The following OBSL1 variants were observed in gnomAD, a reference collection of about 807,000 sequenced individuals.
The protein encoded by OBSL1 is obscurin-like protein 1.
A neutral mutation model predicts 172.0 loss-of-function variants in OBSL1; 160 were observed. The ratio of observed to expected loss-of-function variants is 0.93; its 90% CI spans 0.82 to 1.06. The LOEUF (loss-of-function observed/expected upper bound fraction) is 1.06, where lower values mean the gene tolerates loss of function less well. Among genes scored for constraint, OBSL1 ranks in the 50% least tolerant of loss-of-function variants. OBSL1 has a pLI of 0.00. For synonymous variants in OBSL1, 1,200 were observed against 1,196.3 expected (o/e 1.00, Z -0.06); for missense variants, 2,681 against 2,715.4 (o/e 0.99, Z 0.28).
At position 219,567,707 on chromosome 2, in the gene OBSL1, C is replaced by T; in HGVS notation, c.1534+11G>A. The T allele has an allele frequency of 6.2e-7, 1 of 1,603,830 alleles. No individual in the cohort carries two copies. Among genetic ancestry groups the T allele is most frequent in the Non-Finnish European group, 8.5e-7 (1 of 1,171,698 alleles). ...CCTGCCTCGCCTGTCCAGAGGCCTT[C>T]CTGCCCTCACATTTTACTCTGAGAA... On this transcript the variant is annotated intron_variant, in intron 3 of 20. Transcript: ENST00000404537.
chr2:219,548,097 C>A (rs1261884086), downstream of OBSL1: 2 of 1,515,246 alleles, frequency 1.3e-6, no homozygotes, highest in South Asian at 2.5e-5. Context: ...GGGGCACAGG[C>A]CAAGGTGGAC....
At chr2:219,556,348 C>A (rs1185489834) in intron 13 of OBSL1, 56 bp from the exon 14 acceptor site, 6 of 1,571,172 alleles carry the variant, frequency 3.8e-6, no homozygotes, top group Non-Finnish European at 5.2e-6. Flanking sequence ...TGGCCCCTTG[C>A]TCCATCCCAC....
intron 9 of OBSL1, 169 bp downstream of exon 9, chr2:219,559,056 G>A (rs949588677): frequency 1.3e-5 from 8 of 612,744 alleles, no homozygotes. Flanking sequence ...CCTCCCACCA[G>A]GCCTCTGGTC....
At chr2:219,562,102 T>C in intron 8 of OBSL1, 2 of 700,200 alleles carry the variant, frequency 2.9e-6, no homozygotes, top group South Asian at 3.0e-5. Flanking sequence ...TCACCTAGCC[T>C]GGCAGCTCAT....
At chr2:219,563,198 T>G in intron 7 of OBSL1, 157 bp downstream of exon 7, 2 of 721,620 alleles carry the variant, frequency 2.8e-6, no homozygotes, top group Non-Finnish European at 2.3e-6. Flanking sequence ...TGAATGTGAC[T>G]AGACCATAGC....
At chr2:219,555,500 G>A (rs1695936043) in intron 14 of OBSL1, 1 of 358,688 alleles carries the variant, frequency 2.8e-6, no homozygotes, top group Non-Finnish European at 3.9e-6. Flanking sequence ...GGATGGCCTC[G>A]AACTCCTGGC....
rs1403723271 is a variant in OBSL1 at position 219,557,932 on chromosome 2, G to A, written c.3681C>T (p.Arg1227=). ...CTGCAGCCTGGATGCAGAGGACTCG[G>A]CGGGGGCCCTCGGCATGGAGCTCTA... ...EGLELHAEGP[R]RVLCIQAAGP... Residue 1227 remains arginine, a synonymous_variant, in exon 11 of 21, where the codon CGC becomes CGT. Coordinates refer to ENST00000404537, the MANE Select transcript of OBSL1 (RefSeq NM_015311.3). 8.1e-6 allele frequency: 13 copies of A among 1,605,214 alleles called. No individual in the cohort carries two copies. The highest frequency in any genetic ancestry group is 1.1e-5 in the Non-Finnish European group (13 of 1,179,434).
Position 219,559,400 on chromosome 2 carries a change from A to G in OBSL1, c.3051T>C (p.Asp1017=). 1 of 1,613,900 alleles carries G rather than the reference A, an allele frequency of 6.2e-7. No homozygotes were observed. Among genetic ancestry groups the G allele is most frequent in the African/African-American group, 1.3e-5 (1 of 74,994 alleles). Residue 1017 remains aspartate (D), a synonymous_variant, in exon 9 of 21, where the codon GAT becomes GAC. Transcript: ENST00000404537. ...CATCCTTGTACCAGCGCACAGGGGC[A>G]TCCTCCCGAGACAGTTCACACATCA... is the stretch of plus-strand genomic sequence containing the variant. The part of the protein sequence containing the change: ...VVLMCELSRE[D]APVRWYKDGL...
In OBSL1 at chr2:219,568,521, G is replaced by C. The variant is rs750999536; in HGVS notation, c.1013-197C>G. Among the ~76,000 whole-genome samples the C allele has an allele frequency of 2.1e-4, 32 of 152,174 alleles. 1 individual carries two copies. The highest frequency in any genetic ancestry group is 2.1e-3 in the Admixed American group (32 of 15,278). On this transcript the variant is annotated intron_variant, in intron 1 of 20. Transcript: ENST00000404537. The surrounding 1 kb of genome is among the most constrained non-coding windows in gnomAD (Gnocchi z 4.1). ...GAGTTCTCATCCAGCCCTGACACTA[G>C]CCACATCACCTTAAGCAAGTCCATT...
In OBSL1 at chr2:219,570,947, CCGCGTAGGCCTCGCCGGCCGCGTTGCGGG is replaced by C; in HGVS notation, c.257_285del (p.Ala86GlyfsTer158). 1 of 1,276,112 alleles carries C rather than the reference CCGCGTAGGCCTCGCCGGCCGCGTTGCGGG, an allele frequency of 7.8e-7. No individual in the cohort carries two copies. The highest frequency in any genetic ancestry group is 9.8e-7 in the Non-Finnish European group (1 of 1,019,086). 79.0% of individuals were successfully genotyped at this position (1,276,112 alleles called of 1,614,324 possible). ...GGCTCCAGCACGGTGACGGCGGCCG[CCGCGTAGGCCTCGCCGGCCGCGTTGCGGG>C]CGCGGCACACGTAGACCCCCGCGTC... On this transcript the variant is annotated frameshift_variant, in exon 1 of 21. Coordinates refer to ENST00000404537, the MANE Select transcript of OBSL1 (RefSeq NM_015311.3). LOFTEE classifies it high-confidence loss of function.
intron 8 of OBSL1, chr2:219,561,870 T>G (rs1272779953): frequency 1.4e-6 from 1 of 717,200 alleles, no homozygotes; most frequent in Non-Finnish European, 2.6e-6. Flanking sequence ...GGCCCCAAAC[T>G]ATGGGGGCAG....
At position 219,571,469 on chromosome 2, in the gene OBSL1, G is replaced by A; in HGVS notation, c.-237C>T. The A allele has an allele frequency of 3.4e-6, 1 of 296,726 alleles. No individual in the cohort carries two copies. The highest frequency in any genetic ancestry group is 6.2e-6 in the Non-Finnish European group (1 of 161,422). The allele number at this position is 296,726 out of a possible 1,614,324, so 18.4% of individuals were successfully genotyped here. A position where few individuals can be genotyped will look rare whatever the true frequency, so the allele number is the denominator to read the frequency against. ...CCCGAAGCCTGGCGCTCAGGGGGCAGTCCTTCCTGTTTGCCTCTCCAGCGA... is the reference window on the plus strand; with the variant it reads ...CCCGAAGCCTGGCGCTCAGGGGGCAATCCTTCCTGTTTGCCTCTCCAGCGA... On this transcript the variant is annotated 5_prime_UTR_variant, in exon 1 of 21. Coordinates refer to ENST00000404537, the MANE Select transcript of OBSL1 (RefSeq NM_015311.3).
Position 219,570,834 on chromosome 2 carries a change from C to T in OBSL1, c.399G>A (p.Gly133=), listed in dbSNP as rs1349342793. 5 of 1,458,350 alleles carry T rather than the reference C, an allele frequency of 3.4e-6. No individual in the cohort carries two copies. In the East Asian group the frequency reaches 1.2e-4, roughly 35 times the overall value. The allele number at this position is 1,458,350 out of a possible 1,614,324, so 90.3% of individuals were successfully genotyped here. The change falls in exon 1 of 21, where the codon GGG becomes GGA. Residue 133 remains glycine (G), a synonymous_variant. Transcript: ENST00000404537. ...SGEGAPVFLT[G]PRSQWVLRGA... Reference sequence around the variant, plus strand: ...CCCGCAGCACCCACTGGGATCGAGGCCCCGTGAGGAAGACCGGGGCGCCCT... The same window carrying T: ...CCCGCAGCACCCACTGGGATCGAGGTCCCGTGAGGAAGACCGGGGCGCCCT...
chr2:219,563,071 C>G (rs1169202176), intron 7 of OBSL1: 2 of 501,864 alleles, frequency 4.0e-6, no homozygotes, highest in South Asian at 7.4e-5. Flanking sequence ...TAGACTCTGC[C>G]CTACCCTGCA....
At chr2:219,549,109 G>T (rs761778924), downstream of OBSL1, 15 of 1,609,792 alleles carry the variant, frequency 9.3e-6, no homozygotes, top group Non-Finnish European at 1.3e-5. Flanking sequence ...GGGAAACAAG[G>T]CGCACCGTCC....
chr2:219,567,581 A>G lies in OBSL1; in HGVS notation c.1535-6T>C. The stretch of plus-strand genomic sequence containing the variant: ...TGGGGGACTGTGCTTGACACCTGAG[A>G]CCAAGGCAGGGATGTGTTCCGGCCT... On this transcript the variant is annotated splice_region_variant and splice_polypyrimidine_tract_variant and intron_variant, in intron 3 of 20. Coordinates refer to ENST00000404537, the MANE Select transcript of OBSL1 (RefSeq NM_015311.3). 1 of 1,605,984 alleles carries G rather than the reference A, an allele frequency of 6.2e-7. No individual in the cohort carries two copies. The highest frequency in any genetic ancestry group is 8.5e-7 in the Non-Finnish European group (1 of 1,173,508).
In OBSL1 at chr2:219,567,924, C is replaced by T. The variant is rs1182963392; in HGVS notation, c.1328G>A (p.Gly443Glu). ...TTCCACTAGCAGCACAGCATTCTCT[C>T]CTTCCAGGACGTCGAGCTTCCGGGG... The part of the protein sequence containing the change: ...RLPRKLDVLE[G>E]ENAVLLVETL... Residue 443 changes from glycine to glutamate, a missense_variant, in exon 3 of 21, where the codon GGA becomes GAA. This residue lies in a region of OBSL1 where 706 missense variants were observed against 695.8 expected (regional missense o/e 1.01). Transcript: ENST00000404537. The T allele has an allele frequency of 9.9e-6, 16 of 1,613,884 alleles. No homozygotes were observed. The highest frequency in any genetic ancestry group is 1.4e-5 in the Non-Finnish European group (16 of 1,179,892).
rs1400677823 is a variant in OBSL1, at chr2:219,552,572, G to A, written c.5272C>T (p.Leu1758=). 24 of 1,595,076 alleles carry A rather than the reference G, an allele frequency of 1.5e-5. No individual in the cohort carries two copies. Among genetic ancestry groups the A allele is most frequent in the Non-Finnish European group, 2.0e-5 (24 of 1,177,148 alleles). Residue 1758 remains leucine, a synonymous_variant, in exon 18 of 21, where the codon CTG becomes TTG. Transcript: ENST00000404537. The part of the protein sequence containing the change: ...TGRWELGGRP[L]RPGARVRIRQ... ...ATGCGGACGCGGGCTCCGGGTCTCAGCGGGCGGCCTCCGAGCTCCCAGCGC... is the reference window on the plus strand; with the variant it reads ...ATGCGGACGCGGGCTCCGGGTCTCAACGGGCGGCCTCCGAGCTCCCAGCGC...
At chr2:219,552,322 G>A (rs772846994) in intron 18 of OBSL1, 106 bp from the exon 19 acceptor site, 28 of 1,065,308 alleles carry the variant, frequency 2.6e-5, no homozygotes, top group Non-Finnish European at 3.8e-5. Context: ...CGCCGTTAGT[G>A]TATGCTAGGG....
Sources: allele counts gnomAD v4.1 joint callset (sites outside exome capture counted in the v4.1 genomes callset), GRCh38; gene constraint gnomAD v4.1.1; regional missense constraint gnomAD v4.1.1; non-coding constraint Gnocchi (gnomAD v3.1); transcripts MANE v1.5; gene names NCBI Gene and HGNC (gene_info 2026-07-23, HGNC 2026-07-21).